C6orf132: variants seen among roughly 807,000 people sequenced by gnomAD.
The protein encoded by C6orf132 is uncharacterized protein C6orf132.
C6orf132 carries 43 observed loss-of-function variants against 65.3 expected under a neutral mutation model. That is an observed-to-expected ratio of 0.66 (90% CI 0.52 to 0.85). The LOEUF (loss-of-function observed/expected upper bound fraction) is 0.85. C6orf132 is among the 40% of genes least tolerant of loss of function. The pLI is 0.00. For missense variants in C6orf132, 1,488 were observed against 1,548.8 expected, an observed-to-expected ratio of 0.96 and a Z score of 0.66; for synonymous variants, 631 against 654.1, an observed-to-expected ratio of 0.96 and a Z score of 0.54.
At chr6:42,122,854 A>G (rs1363514315) in intron 2 of C6orf132, among the ~76,000 whole-genome samples, 1 of 152,150 alleles carries the variant, frequency 6.6e-6, no homozygotes, top group Non-Finnish European at 1.5e-5. Flanking sequence ...CCTCTGGCAG[A>G]GCCAGGCCTG....
intron 3 of C6orf132, among the ~76,000 whole-genome samples, chr6:42,108,740 C>T (rs963273078): frequency 1.3e-5 from 2 of 152,106 alleles, no homozygotes. Flanking sequence ...CTCTTGTCCT[C>T]GGACCAGGTC....
At position 42,124,801 on chromosome 6, in the gene C6orf132, G is replaced by C. The variant is rs1766739350; in HGVS notation, c.252+3871C>G. The stretch of plus-strand genomic sequence containing the variant: ...AAGGACCTGGCTAGGGCCTACAGGA[G>C]AGGAGTCAGAAGCTCAGACAGGAGA... On this transcript the variant is annotated intron_variant, in intron 2 of 4. Coordinates refer to ENST00000341865, the MANE Select transcript of C6orf132 (RefSeq NM_001164446.3). This position sits in a 1 kb window ranked among gnomAD's most constrained non-coding sequence, Gnocchi z 4.0. 6.6e-6 allele frequency among the ~76,000 whole-genome samples: 1 copy of C among 152,228 alleles called. No individual in the cohort carries two copies. Among genetic ancestry groups the C allele is most frequent in the Admixed American group, 6.5e-5 (1 of 15,286 alleles).
chr6:42,130,602 C>T (rs1306301679), intron 1 of C6orf132, among the ~76,000 whole-genome samples: 1 of 152,026 alleles, frequency 6.6e-6, no homozygotes, highest in Non-Finnish European at 1.5e-5. Context: ...ATCTCTGCAC[C>T]GATGTTGGGA....
chr6:42,106,178 T>A lies in C6orf132; in HGVS notation c.1734A>T (p.Ala578=). Residue 578 remains alanine, a synonymous_variant, in exon 4 of 5, where the codon GCA becomes GCT. Transcript: ENST00000341865. ...NELEARLSSA[A]EKEAKPSIGS... is the part of the protein sequence containing the mutation. Reference sequence around the variant, plus strand: ...CTATGCTGGGCTTAGCCTCCTTCTCTGCTGCTGAGGAGAGCCGGGCCTCCA... The same window carrying A: ...CTATGCTGGGCTTAGCCTCCTTCTCAGCTGCTGAGGAGAGCCGGGCCTCCA... 2.0e-6 allele frequency: 3 copies of A among 1,537,272 alleles called. No individual in the cohort carries two copies. Among genetic ancestry groups the A allele is most frequent in the Non-Finnish European group, 2.6e-6 (3 of 1,146,914 alleles).
intron 2 of C6orf132, among the ~76,000 whole-genome samples, chr6:42,123,589 GAAGAAGA>G (rs1163099573): frequency 6.6e-6 from 1 of 151,180 alleles, no homozygotes; most frequent in East Asian, 1.9e-4. Context: ...GAAGAAAGAA[GAAGAAGA>G]AAGAAGGAAG....
At chr6:42,118,868 ATT>A (rs546407195) in intron 2 of C6orf132, among the ~76,000 whole-genome samples, 19,290 of 112,796 alleles carry the variant, frequency 0.17, 1,595 homozygotes, top group African/African-American at 0.22. Context: ...CAGCCCTTTA[ATT>A]TTTTTTTTTT....
At chr6:42,118,492 TCAAA>T (rs201261832) in intron 2 of C6orf132, among the ~76,000 whole-genome samples, 2,799 of 152,260 alleles carry the variant, frequency 0.018, 37 homozygotes, top group Middle Eastern at 0.068. Context: ...GCCATGTGCC[TCAAA>T]CATTCTCAGG....
chr6:42,106,221 C>A lies in C6orf132; in HGVS notation c.1691G>T (p.Arg564Leu), dbSNP rs763906124. 6.5e-7 allele frequency: 1 copy of A among 1,537,200 alleles called. No individual in the cohort carries two copies. The highest frequency in any genetic ancestry group is 2.4e-5 in the East Asian group (1 of 40,900). The change falls in exon 4 of 5, where the codon CGG becomes CTG. Residue 564 changes from arginine (R) to leucine (L), a missense_variant. Coordinates refer to ENST00000341865, the MANE Select transcript of C6orf132 (RefSeq NM_001164446.3). ...IPQDSPTPSV[R>L]QIRNELEARL... ...GGCCTCCAGCTCATTCCGGATCTGC[C>A]GCACACTGGGAGTTGGAGAGTCTTG...
Position 42,106,837 on chromosome 6 carries a change from C to T in C6orf132, c.1075G>A (p.Glu359Lys), listed in dbSNP as rs1766418148. ...TTGAGCTCCCCAGGGCAGTCTGGCT[C>T]GGGGGCCCTGTCTGGGTAGACCTGG... Reference protein sequence around the residue: ...ASQVYPDRAPEPDCPGELKAT... With the variant: ...ASQVYPDRAPKPDCPGELKAT... Residue 359 changes from glutamate to lysine, a missense_variant, in exon 4 of 5, where the codon GAG becomes AAG. Transcript: ENST00000341865. 1.3e-5 allele frequency: 20 copies of T among 1,534,970 alleles called. No individual in the cohort carries two copies. Among genetic ancestry groups the T allele is most frequent in the South Asian group, 2.4e-5 (2 of 83,944 alleles).
At chr6:42,117,768 A>C (rs552129708) in intron 2 of C6orf132, among the ~76,000 whole-genome samples, 23 of 151,824 alleles carry the variant, frequency 1.5e-4, no homozygotes, top group African/African-American at 5.1e-4. Context: ...CTAACAATAC[A>C]AAAAAATTAG....
At position 42,103,030 on chromosome 6, in the gene C6orf132, C is replaced by T. The variant is rs1766319828; in HGVS notation, c.*731G>A. ...TTCCCATCCTAAACTTGCCAAGTGT[C>T]CTCTCTCTAGGCCTCCCTGTAGCTA... On this transcript the variant is annotated 3_prime_UTR_variant, in exon 5 of 5. Coordinates refer to ENST00000341865, the MANE Select transcript of C6orf132 (RefSeq NM_001164446.3). 1 of 395,070 alleles carries T rather than the reference C, an allele frequency of 2.5e-6. No individual in the cohort carries two copies. The highest frequency in any genetic ancestry group is 4.4e-6 in the Non-Finnish European group (1 of 226,052). 24.5% of individuals were successfully genotyped at this position (395,070 alleles called of 1,614,324 possible).
intron 1 of C6orf132, among the ~76,000 whole-genome samples, chr6:42,138,566 C>T (rs550590310): frequency 6.6e-4 from 100 of 152,286 alleles, no homozygotes; most frequent in Non-Finnish European, 1.3e-3. Flanking sequence ...GGATTACAGG[C>T]GTGAGCCACC....
At position 42,110,203 on chromosome 6, in the gene C6orf132, A is replaced by G. The variant is rs1164621805; in HGVS notation, c.328+13T>C. ...AGAAAGATGGACAAGCCCCAAGCCC[A>G]GGGTTCACTTACCTGTCACTTCTTT... On this transcript the variant is annotated intron_variant, in intron 3 of 4. Transcript: ENST00000341865. 6.5e-7 allele frequency: 1 copy of G among 1,545,484 alleles called. No homozygotes were observed. Among genetic ancestry groups the G allele is most frequent in the Non-Finnish European group, 8.7e-7 (1 of 1,143,894 alleles).
In C6orf132 at chr6:42,106,459, C is replaced by T; in HGVS notation, c.1453G>A (p.Asp485Asn). Residue 485 changes from aspartate to asparagine, a missense_variant, in exon 4 of 5, where the codon GAC (aspartate) becomes AAC (asparagine). Coordinates refer to ENST00000341865, the MANE Select transcript of C6orf132 (RefSeq NM_001164446.3). ...AAYLCGSRRE[D>N]RFLSHRPGPT... ...CCTGGCCTGTGACTGAGGAATCGGT[C>T]CTCTCTCCTGGAGCCACAGAGATAG... 1 of 1,536,396 alleles carries T rather than the reference C, an allele frequency of 6.5e-7. No individual in the cohort carries two copies. The highest frequency in any genetic ancestry group is 8.7e-7 in the Non-Finnish European group (1 of 1,146,870).
rs559654217 is a variant in C6orf132 at position 42,116,831 on chromosome 6, A to G, written c.253-6540T>C. On this transcript the variant is annotated intron_variant, in intron 2 of 4. Transcript: ENST00000341865. ...ACTCATGAACAAGTGTGCTCCCTGC[A>G]GCAGGGGTCCTCAGTGGGGCACAAA... Among the ~76,000 whole-genome samples the G allele has an allele frequency of 1.4e-4, 21 of 152,260 alleles. No homozygotes were observed. The South Asian group carries it at 4.4e-3, about 32-fold the overall frequency.
chr6:42,103,981 C>G, intron 4 of C6orf132, 103 bp from the exon 5 acceptor site: 1 of 808,266 alleles, frequency 1.2e-6, no homozygotes, highest in Non-Finnish European at 1.7e-6. Context: ...GCTCATACTT[C>G]TGTATTTGCC....
intron 2 of C6orf132, among the ~76,000 whole-genome samples, chr6:42,126,132 A>T (rs1210948802): frequency 6.6e-6 from 1 of 151,892 alleles, no homozygotes; most frequent in Admixed American, 6.6e-5. Context: ...TCCAGGCTGG[A>T]GTGCAGTGGT....
Position 42,142,505 on chromosome 6 carries a change from C to T in C6orf132, c.-61G>A, listed in dbSNP as rs1160795126. On this transcript the variant is annotated 5_prime_UTR_variant, in exon 1 of 5. Transcript: ENST00000341865. ...TTCCCTCCCTCGCCCTGCCCTGCCC[C>T]GGACTGAACTCAGCACGGTCTCCCC... 2.0e-6 allele frequency: 3 copies of T among 1,493,160 alleles called. No individual in the cohort carries two copies. The highest frequency in any genetic ancestry group is 1.4e-5 in the African/African-American group (1 of 71,406). The allele number at this position is 1,493,160 out of a possible 1,614,324, so 92.5% of individuals were successfully genotyped here. A position where few individuals can be genotyped will look rare whatever the true frequency, so the allele number is the denominator to read the frequency against.
chr6:42,124,792 C>T lies in C6orf132; in HGVS notation c.252+3880G>A, dbSNP rs1235704011. Among the ~76,000 whole-genome samples, 2 of 152,182 alleles carry T rather than the reference C, an allele frequency of 1.3e-5. No homozygotes were observed. Among genetic ancestry groups the T allele is most frequent in the Admixed American group, 1.3e-4 (2 of 15,278 alleles). ...AAGAAAGCAAAGGACCTGGCTAGGG[C>T]CTACAGGAGAGGAGTCAGAAGCTCA... On this transcript the variant is annotated intron_variant, in intron 2 of 4. Transcript: ENST00000341865. The surrounding 1 kb of genome is among the most constrained non-coding windows in gnomAD (Gnocchi z 4.0).
Sources: allele counts gnomAD v4.1 joint callset (sites outside exome capture counted in the v4.1 genomes callset), GRCh38; gene constraint gnomAD v4.1.1; non-coding constraint Gnocchi (gnomAD v3.1); transcripts MANE v1.5; gene names NCBI Gene and HGNC (gene_info 2026-07-23, HGNC 2026-07-21).